Variants in STIMATE observed in about 807,000 individuals in gnomAD.
STIMATE encodes the protein store-operated calcium entry regulator STIMATE.
A neutral mutation model predicts 36.7 loss-of-function variants in STIMATE; 15 were observed. The observed-to-expected ratio is 0.41, with a 90% CI of 0.27 to 0.63. STIMATE has a LOEUF of 0.63. STIMATE is among the 20% of genes least tolerant of loss of function. The pLI is 0.32. For synonymous variants in STIMATE, 163 were observed against 162.3 expected, an observed-to-expected ratio of 1.00 and a Z score of -0.03; for missense variants, 305 against 397.3, an observed-to-expected ratio of 0.77 and a Z score of 1.98.
At chr3:52,855,339 C>A in intron 2 of STIMATE, 57 bp downstream of exon 2, 3 of 1,589,706 alleles carry the variant, frequency 1.9e-6, no homozygotes, top group South Asian at 1.1e-5. Context: ...CCCCCAGCCC[C>A]AAGACCCCCA....
chr3:52,868,189 T>G (rs1422887543), intron 1 of STIMATE, among the ~76,000 whole-genome samples: 7 of 152,166 alleles, frequency 4.6e-5, no homozygotes, highest in Non-Finnish European at 7.4e-5. Context: ...AGGGAAAAAG[T>G]CCCCAGAAGT....
intron 1 of STIMATE, among the ~76,000 whole-genome samples, chr3:52,887,735 G>A (rs1330394826): frequency 2.0e-5 from 3 of 152,126 alleles, no homozygotes; most frequent in Admixed American, 1.3e-4. Flanking sequence ...GAGGACCTCC[G>A]TGACTGGGAG....
chr3:52,863,228 G>A (rs562697260), intron 1 of STIMATE, among the ~76,000 whole-genome samples: 124 of 152,324 alleles, frequency 8.1e-4, no homozygotes, highest in South Asian at 5.2e-3. Flanking sequence ...CCGAGACTGG[G>A]AAGAAAAAGA....
intron 1 of STIMATE, among the ~76,000 whole-genome samples, chr3:52,862,705 G>A (rs1701237784): frequency 6.6e-6 from 1 of 152,070 alleles, no homozygotes; most frequent in Non-Finnish European, 1.5e-5. Flanking sequence ...GCTGAATGGT[G>A]GTGTCCTACG....
At chr3:52,869,931 T>C (rs1701374879) in intron 1 of STIMATE, among the ~76,000 whole-genome samples, 1 of 152,158 alleles carries the variant, frequency 6.6e-6, no homozygotes, top group African/African-American at 2.4e-5. Context: ...CACAGGAGTA[T>C]TAATAAAACA....
chr3:52,841,844 C>T (rs1045617553), intron 7 of STIMATE: 1 of 152,322 alleles, frequency 6.6e-6, no homozygotes, highest in African/African-American at 2.4e-5. Flanking sequence ...AACCATGTGA[C>T]TGTGAATGCT....
intron 1 of STIMATE, among the ~76,000 whole-genome samples, chr3:52,889,433 G>A (rs1179222864): frequency 6.6e-6 from 1 of 152,176 alleles, no homozygotes; most frequent in Non-Finnish European, 1.5e-5. Flanking sequence ...ATCCATAAAA[G>A]CTAGTTAACA....
chr3:52,882,876 A>C (rs1221131842), intron 1 of STIMATE, among the ~76,000 whole-genome samples: 2 of 152,158 alleles, frequency 1.3e-5, no homozygotes, highest in African/African-American at 4.8e-5. Flanking sequence ...GAGGATGGAG[A>C]AAGGCATCAT....
At chr3:52,870,683 T>A (rs921853959) in intron 1 of STIMATE, among the ~76,000 whole-genome samples, 1 of 151,474 alleles carries the variant, frequency 6.6e-6, no homozygotes, top group African/African-American at 2.4e-5. Context: ...GAGTGGCAGG[T>A]GCTCCTCAGG....
At chr3:52,841,943 G>C (rs1362539275) in intron 7 of STIMATE, among the ~76,000 whole-genome samples, 3 of 152,178 alleles carry the variant, frequency 2.0e-5, no homozygotes, top group Non-Finnish European at 2.9e-5. Flanking sequence ...CCAGATTCTA[G>C]AGACAAGCAC....
chr3:52,883,354 T>A (rs1701640749), intron 1 of STIMATE, among the ~76,000 whole-genome samples: 2 of 152,254 alleles, frequency 1.3e-5, no homozygotes. Context: ...TCTTTTCCTC[T>A]GATTGCTTTT....
chr3:52,845,767 T>C (rs1205855940), intron 4 of STIMATE, among the ~76,000 whole-genome samples: 2 of 151,970 alleles, frequency 1.3e-5, no homozygotes, highest in African/African-American at 2.4e-5. Context: ...TCCTGTGATA[T>C]GAAGAACCCT....
In STIMATE at chr3:52,844,874, T is replaced by C. The variant is rs961268746; in HGVS notation, c.495A>G (p.Glu165=). ...CALYIVIMIF[E]KSVVFIVLLI... is the part of the protein sequence containing the mutation. The stretch of plus-strand genomic sequence containing the variant: ...GGAGGACGATGAAGACGACAGACTT[T>C]TCAAAAATCATGATCACGATGTAAA... The change falls in exon 5 of 8, where the codon GAA becomes GAG. Residue 165 remains glutamate, a synonymous_variant. Transcript: ENST00000355083. 1.5e-5 allele frequency: 24 copies of C among 1,614,000 alleles called. No homozygotes were observed. The highest frequency in any genetic ancestry group is 1.9e-5 in the Non-Finnish European group (23 of 1,180,028).
At chr3:52,881,728 G>A (rs1163892739) in intron 1 of STIMATE, among the ~76,000 whole-genome samples, 1 of 152,122 alleles carries the variant, frequency 6.6e-6, no homozygotes, top group African/African-American at 2.4e-5. Flanking sequence ...AAAGAACTCA[G>A]GAGGAATAGC....
rs770514695 is a variant in STIMATE, at chr3:52,844,949, G to A, written c.428-8C>T. ...CACACTGCAGAGGGTCTCCTGCAGG[G>A]ACAGGCGGGTGCTTAGTCACATGGG... is the stretch of plus-strand genomic sequence containing the variant. On this transcript the variant is annotated splice_region_variant and splice_polypyrimidine_tract_variant and intron_variant, in intron 4 of 7. Coordinates refer to ENST00000355083, the MANE Select transcript of STIMATE (RefSeq NM_198563.5). The A allele has an allele frequency of 1.9e-6, 3 of 1,613,020 alleles. No homozygotes were observed. The South Asian group carries it at 3.3e-5, about 18-fold the overall frequency.
At chr3:52,886,179 G>A (rs555965060) in intron 1 of STIMATE, among the ~76,000 whole-genome samples, 8 of 152,294 alleles carry the variant, frequency 5.3e-5, no homozygotes, top group Non-Finnish European at 1.2e-4. Flanking sequence ...AACCAAGCAG[G>A]TCAGGGACAG....
At chr3:52,890,670 T>A (rs1042144335) in intron 1 of STIMATE, among the ~76,000 whole-genome samples, 3 of 152,252 alleles carry the variant, frequency 2.0e-5, no homozygotes, top group Admixed American at 6.5e-5. Flanking sequence ...ACTCACCAAC[T>A]GCTTCTATGC....
chr3:52,888,268 A>C (rs891445831), intron 1 of STIMATE, among the ~76,000 whole-genome samples: 2 of 152,134 alleles, frequency 1.3e-5, no homozygotes, highest in African/African-American at 2.4e-5. Flanking sequence ...CCCAAGGCAA[A>C]GCCCTGGCAA....
chr3:52,881,094 G>A (rs1701594661), intron 1 of STIMATE, among the ~76,000 whole-genome samples: 2 of 152,000 alleles, frequency 1.3e-5, no homozygotes, highest in South Asian at 2.1e-4. Context: ...GGCTGAGGCA[G>A]GAGAATCACT....
Sources: gnomAD v4.1 joint callset for allele counts (sites outside exome capture counted in the v4.1 genomes callset) on GRCh38, gnomAD v4.1.1 for gene constraint, MANE v1.5 for transcripts, NCBI Gene and HGNC (gene_info 2026-07-23, HGNC 2026-07-21) for gene names.